CNTNAP4: variants seen among roughly 807,000 people sequenced by gnomAD.
The protein encoded by CNTNAP4 is contactin-associated protein-like 4.
CNTNAP4 carries 98 observed loss-of-function variants against 148.4 expected under a neutral mutation model. The observed-to-expected ratio is 0.66, with a 90% CI of 0.56 to 0.78. The LOEUF is 0.78. CNTNAP4 is among the 30% of genes least tolerant of loss of function. The pLI, the probability that CNTNAP4 is intolerant of heterozygous loss-of-function variation, is 0.00. For synonymous variants in CNTNAP4, 730 were observed against 565.1 expected, an observed-to-expected ratio of 1.29 and a Z score of -4.14; for missense variants, 1,935 against 1,565.6, an observed-to-expected ratio of 1.24 and a Z score of -3.98.
chr16:76,449,106 C>T lies in CNTNAP4; in HGVS notation c.927+155C>T, dbSNP rs150465782. On this transcript the variant is annotated intron_variant, in intron 6 of 23. Coordinates refer to ENST00000611870, the MANE Select transcript of CNTNAP4 (RefSeq NM_033401.5). ...CAGTCTAACTCACAGTGGCAGCTTT[C>T]GGTGTATAGTACTTGAACCTTCATC... Among the ~76,000 whole-genome samples the T allele has an allele frequency of 5.2e-3, 789 of 152,252 alleles. 6 individuals are homozygous for T. Among genetic ancestry groups the T allele is most frequent in the African/African-American group, 0.018 (736 of 41,534 alleles).
intron 2 of CNTNAP4, among the ~76,000 whole-genome samples, chr16:76,354,678 CTG>C (rs1491308270): frequency 6.6e-6 from 1 of 152,226 alleles, no homozygotes; most frequent in Non-Finnish European, 1.5e-5. Flanking sequence ...CTCTCACAAA[CTG>C]TTGGGAACAA....
rs1012950653 is a variant in CNTNAP4, at chr16:76,316,520, G to C, written c.193G>C (p.Asp65His). ...GPGFARLNRR[D>H]GAGGWSPLVS... ...TGGATTTGCAAGGCTGAATAGAAGA[G>C]ATGGTAAGTCTGCTTTTCTCCTCTG... Residue 65 changes from aspartate to histidine, a missense_variant, in exon 2 of 24, where the codon GAT (aspartate) becomes CAT (histidine). Transcript: ENST00000611870. 1.2e-6 allele frequency: 2 copies of C among 1,608,162 alleles called. No homozygotes were observed. The highest frequency in any genetic ancestry group is 2.7e-5 in the African/African-American group (2 of 74,782).
At chr16:76,466,854 A>G (rs1030901268) in intron 9 of CNTNAP4, among the ~76,000 whole-genome samples, 1 of 152,150 alleles carries the variant, frequency 6.6e-6, no homozygotes, top group African/African-American at 2.4e-5. Flanking sequence ...AATTAATTAG[A>G]TAAACAGTTG....
At chr16:76,455,797 G>C (rs73619429) in intron 8 of CNTNAP4, among the ~76,000 whole-genome samples, 2,492 of 152,268 alleles carry the variant, frequency 0.016, 71 homozygotes, top group African/African-American at 0.056. Flanking sequence ...CTATATGGCA[G>C]GCTAATTTTT....
At chr16:76,284,778 C>T (rs1958817678) in intron 1 of CNTNAP4, among the ~76,000 whole-genome samples, 1 of 151,858 alleles carries the variant, frequency 6.6e-6, no homozygotes, top group South Asian at 2.1e-4. Context: ...TGTATGCATG[C>T]ATTTATTTGA....
chr16:76,496,867 G>C (rs2082418541), intron 14 of CNTNAP4, among the ~76,000 whole-genome samples: 1 of 152,154 alleles, frequency 6.6e-6, no homozygotes, highest in Admixed American at 6.6e-5. Context: ...ACTGATGTTT[G>C]AATTGGCAGA....
intron 3 of CNTNAP4, among the ~76,000 whole-genome samples, chr16:76,408,476 T>G (rs2078682440): frequency 6.7e-6 from 1 of 148,734 alleles, no homozygotes; most frequent in Non-Finnish European, 1.5e-5. Flanking sequence ...AACCCTCTTG[T>G]ACCCATTCCG....
intron 4 of CNTNAP4, 90 bp from the exon 5 acceptor site, chr16:76,447,922 A>G (rs1306030207): frequency 7.9e-6 from 7 of 882,480 alleles, no homozygotes; most frequent in Admixed American, 2.1e-5. Flanking sequence ...GAGTACGTAT[A>G]CTGCCTTTTC....
At chr16:76,544,275 C>G (rs1291699326) in intron 21 of CNTNAP4, among the ~76,000 whole-genome samples, 1 of 151,726 alleles carries the variant, frequency 6.6e-6, no homozygotes, top group Admixed American at 6.6e-5. Flanking sequence ...TATAACTGTC[C>G]CATGCTTTTT....
rs372712991 is a variant in CNTNAP4, at chr16:76,479,427, G to A, written c.1771G>A (p.Glu591Lys). 4 of 1,593,926 alleles carry A rather than the reference G, an allele frequency of 2.5e-6. No homozygotes were observed. The highest frequency in any genetic ancestry group is 2.3e-5 in the East Asian group (1 of 44,166). The change falls in exon 12 of 24, where the codon GAG (glutamate) becomes AAG (lysine). Residue 591 changes from glutamate (E) to lysine (K), a missense_variant. Glu to Lys is a moderately conservative substitution (Grantham distance 56). Coordinates refer to ENST00000611870, the MANE Select transcript of CNTNAP4 (RefSeq NM_033401.5). ...GATTTTTTTTCTTAAAGCTATCTAT[G>A]AGCAGTCATGTGAAGCCTATAAGCA... is the stretch of plus-strand genomic sequence containing the variant. ...RGATCHNSIY[E>K]QSCEAYKHRG...
At chr16:76,357,370 G>T (rs1224501389) in intron 3 of CNTNAP4, among the ~76,000 whole-genome samples, 3 of 152,080 alleles carry the variant, frequency 2.0e-5, no homozygotes, top group Non-Finnish European at 4.4e-5. Context: ...AGCAAGCTTG[G>T]GGAAAGCCAA....
chr16:76,332,963 C>T (rs770707409), intron 2 of CNTNAP4, among the ~76,000 whole-genome samples: 1 of 152,168 alleles, frequency 6.6e-6, no homozygotes, highest in East Asian at 1.9e-4. Flanking sequence ...CCAGGAAGGT[C>T]TGTGTCTGGA....
intron 2 of CNTNAP4, among the ~76,000 whole-genome samples, chr16:76,336,542 C>G (rs549829417): frequency 6.6e-6 from 1 of 152,280 alleles, no homozygotes; most frequent in East Asian, 1.9e-4. Context: ...AAGATTTAGG[C>G]TTTATTTTAA....
chr16:76,377,486 G>A (rs376611119), intron 3 of CNTNAP4, among the ~76,000 whole-genome samples: 1 of 152,146 alleles, frequency 6.6e-6, no homozygotes, highest in South Asian at 2.1e-4. Context: ...TAATTTCAAA[G>A]ATGGTGCAAT....
chr16:76,321,804 A>C (rs921329523), intron 2 of CNTNAP4, among the ~76,000 whole-genome samples: 4 of 151,170 alleles, frequency 2.6e-5, no homozygotes, highest in African/African-American at 9.6e-5. Flanking sequence ...AAAAAAAAAA[A>C]AAACTTTATA....
chr16:76,552,148 A>AC (rs10674079), intron 21 of CNTNAP4, among the ~76,000 whole-genome samples: 5 of 152,160 alleles, frequency 3.3e-5, no homozygotes, highest in South Asian at 2.1e-4. Flanking sequence ...AGGAGAGAGA[A>AC]GAAGGATGAA....
intron 15 of CNTNAP4, among the ~76,000 whole-genome samples, chr16:76,503,247 C>G (rs2082720001): frequency 6.6e-6 from 1 of 152,114 alleles, no homozygotes; most frequent in African/African-American, 2.4e-5. Context: ...ATCTATTACT[C>G]ATGGTCCTAG....
intron 20 of CNTNAP4, 92 bp from the exon 21 acceptor site, chr16:76,540,611 T>C (rs767607395): frequency 2.3e-6 from 2 of 869,250 alleles, no homozygotes; most frequent in Non-Finnish European, 3.6e-6. Flanking sequence ...AACTGCTTAA[T>C]GTATCTTTTT....
chr16:76,441,673 A>T (rs539831863), intron 4 of CNTNAP4, among the ~76,000 whole-genome samples: 1 of 152,280 alleles, frequency 6.6e-6, no homozygotes, highest in South Asian at 2.1e-4. Flanking sequence ...TGGCAATGAC[A>T]TTGATAATTA....
Sources: gnomAD v4.1 joint callset for allele counts (sites outside exome capture counted in the v4.1 genomes callset) on GRCh38, gnomAD v4.1.1 for gene constraint, MANE v1.5 for transcripts, NCBI Gene and HGNC (gene_info 2026-07-23, HGNC 2026-07-21) for gene names.